Variants in EYS observed in about 807,000 individuals in gnomAD.
The protein encoded by EYS is EGF-like photoreceptor maintenance factor, also known as protein eyes shut homolog.
Under a neutral mutation model 282.1 loss-of-function variants are expected in EYS, and 250 were observed. The observed-to-expected ratio is 0.89, with a 90% CI of 0.80 to 0.98. The LOEUF is 0.98. Among genes scored for constraint, EYS ranks in the 50% least tolerant of loss-of-function variants. The pLI, the probability that EYS is intolerant of heterozygous loss-of-function variation, is 0.00. For missense variants in EYS, 4,016 were observed against 3,709.0 expected (o/e 1.08, Z -2.15); for synonymous variants, 1,355 against 1,282.9 (o/e 1.06, Z -1.20).
intron 13 of EYS, among the ~76,000 whole-genome samples, chr6:65,054,465 G>C (rs1773358127): frequency 6.6e-6 from 1 of 151,934 alleles, no homozygotes; most frequent in South Asian, 2.1e-4. Context: ...TTGATTTTCT[G>C]TTGGTCAGAA....
chr6:65,544,029 TGA>T (rs796845502), intron 2 of EYS, among the ~76,000 whole-genome samples: 5,933 of 131,842 alleles, frequency 0.045, 232 homozygotes, highest in African/African-American at 0.11. Context: ...TGTGTGTGTG[TGA>T]GAGAGAGAGA....
At chr6:64,921,973 A>T (rs1014073174) in intron 15 of EYS, among the ~76,000 whole-genome samples, 27 of 138,582 alleles carry the variant, frequency 1.9e-4, no homozygotes, top group African/African-American at 4.6e-4. Flanking sequence ...AACAAAAATT[A>T]AAAAAAAAAA....
chr6:64,057,393 T>TA (rs1771021688), intron 33 of EYS, among the ~76,000 whole-genome samples: 1 of 151,840 alleles, frequency 6.6e-6, no homozygotes, highest in Non-Finnish European at 1.5e-5. Context: ...TTTTTTTTTT[T>TA]TAAAAATAGA....
At chr6:63,765,340 C>T (rs1769759757) in intron 40 of EYS, among the ~76,000 whole-genome samples, 1 of 151,708 alleles carries the variant, frequency 6.6e-6, no homozygotes, top group African/African-American at 2.4e-5. Flanking sequence ...TTATGGTATC[C>T]TGTGGATGGG....
At chr6:63,754,438 T>C (rs146415700) in intron 41 of EYS, among the ~76,000 whole-genome samples, 1,830 of 152,142 alleles carry the variant, frequency 0.012, 29 homozygotes, top group African/African-American at 0.042. Flanking sequence ...TGAGAACATG[T>C]GGTGTTTGGT....
At chr6:64,453,149 C>T (rs1459064822) in intron 26 of EYS, among the ~76,000 whole-genome samples, 2 of 151,938 alleles carry the variant, frequency 1.3e-5, no homozygotes, top group East Asian at 3.9e-4. Context: ...TGAACTCCAA[C>T]AAATTTACAA....
In EYS at chr6:65,238,272, T is replaced by C. The variant is rs1274242974; in HGVS notation, c.2023+57591A>G. Among the ~76,000 whole-genome samples the C allele has an allele frequency of 6.7e-5, 10 of 150,194 alleles. No homozygotes were observed. The South Asian group carries it at 2.1e-3, about 31-fold the overall frequency. ...TTAAAAATATAATATATATATAATA[T>C]ATGTAATATTCAAGATAGGCACACC... On this transcript the variant is annotated intron_variant, in intron 12 of 42. Transcript: ENST00000503581.
intron 26 of EYS, among the ~76,000 whole-genome samples, chr6:64,512,139 AC>A (rs1460357123): frequency 5.3e-5 from 8 of 152,146 alleles, no homozygotes; most frequent in Non-Finnish European, 8.8e-5. Context: ...ACACACATAT[AC>A]ACATACATAT....
chr6:64,300,293 C>G (rs1769189547), intron 30 of EYS, among the ~76,000 whole-genome samples: 1 of 152,120 alleles, frequency 6.6e-6, no homozygotes, highest in Non-Finnish European at 1.5e-5. Flanking sequence ...GGGGCAGAAG[C>G]AACACAGACA....
intron 5 of EYS, among the ~76,000 whole-genome samples, chr6:65,454,263 G>A (rs1047499139): frequency 6.6e-5 from 10 of 151,754 alleles, no homozygotes; most frequent in Non-Finnish European, 1.5e-4. Context: ...TTTCCCTGAT[G>A]ACTAGTAATG....
At chr6:63,899,303 A>AACATGT (rs2149730173) in intron 35 of EYS, among the ~76,000 whole-genome samples, 1 of 152,176 alleles carries the variant, frequency 6.6e-6, no homozygotes, top group South Asian at 2.1e-4. Flanking sequence ...GTATCTTCAC[A>AACATGT]ACATGTTGAA....
chr6:65,549,003 A>T (rs1331245826), intron 2 of EYS, among the ~76,000 whole-genome samples: 1 of 152,100 alleles, frequency 6.6e-6, no homozygotes, highest in Admixed American at 6.5e-5. Context: ...CAGGCATTAG[A>T]TCCCTCACAT....
chr6:63,984,289 T>G (rs1364839864), intron 35 of EYS, 94 bp downstream of exon 35: 18 of 838,328 alleles, frequency 2.1e-5, no homozygotes, highest in African/African-American at 3.5e-5. Flanking sequence ...GACTTGTCAT[T>G]TTCGTCTCTC....
intron 35 of EYS, among the ~76,000 whole-genome samples, chr6:63,877,927 C>T (rs1316206377): frequency 1.3e-5 from 2 of 152,194 alleles, no homozygotes; most frequent in East Asian, 3.9e-4. Context: ...CCTCCTTTAG[C>T]TCAGAGAAGT....
At chr6:65,306,375 T>C (rs1769004038) in intron 11 of EYS, among the ~76,000 whole-genome samples, 1 of 152,146 alleles carries the variant, frequency 6.6e-6, no homozygotes. Context: ...AATTTATGTA[T>C]CGACACACCT....
chr6:65,019,675 G>A (rs1158632576), intron 13 of EYS, among the ~76,000 whole-genome samples: 1 of 152,052 alleles, frequency 6.6e-6, no homozygotes, highest in Non-Finnish European at 1.5e-5. Flanking sequence ...ATTATTTCTG[G>A]TAAGACAACA....
chr6:64,893,523 G>A (rs1767357402), intron 18 of EYS, among the ~76,000 whole-genome samples: 1 of 151,770 alleles, frequency 6.6e-6, no homozygotes, highest in Admixed American at 6.6e-5. Context: ...TTATCAATAG[G>A]TTAAGTTTTT....
intron 26 of EYS, among the ~76,000 whole-genome samples, chr6:64,449,581 A>G (rs2150475865): frequency 6.6e-6 from 1 of 152,296 alleles, no homozygotes; most frequent in South Asian, 2.1e-4. Context: ...GAAATGAAGG[A>G]AAAAATATTA....
chr6:63,727,723 A>T (rs1400844246), intron 41 of EYS, among the ~76,000 whole-genome samples: 6 of 64,444 alleles, frequency 9.3e-5, no homozygotes, highest in African/African-American at 7.3e-4. Flanking sequence ...AAAAAAAAAA[A>T]AAAAAAAAAA....
Sources: gnomAD v4.1 joint callset for allele counts (sites outside exome capture counted in the v4.1 genomes callset) on GRCh38, gnomAD v4.1.1 for gene constraint, MANE v1.5 for transcripts, NCBI Gene and HGNC (gene_info 2026-07-23, HGNC 2026-07-21) for gene names.